CYB5B: variants seen among roughly 807,000 people sequenced by gnomAD.
The protein encoded by CYB5B is cytochrome b5 type B (outer mitochondrial membrane).
CYB5B carries 14 observed loss-of-function variants against 21.3 expected under a neutral mutation model. The observed-to-expected ratio is 0.66, with a 90% confidence interval of 0.43 to 1.03. The LOEUF (loss-of-function observed/expected upper bound fraction) is 1.03. Among genes scored for constraint, CYB5B ranks in the 50% least tolerant of loss-of-function variants. The pLI, the probability that CYB5B is intolerant of heterozygous loss-of-function variation, is 0.00. For synonymous variants in CYB5B, 69 were observed against 68.4 expected (o/e 1.01, Z -0.04); for missense variants, 166 against 185.1 (o/e 0.90, Z 0.60).
rs145958479 is a variant in CYB5B at position 69,455,482 on chromosome 16, A to G, written c.334-3611A>G. Among the ~76,000 whole-genome samples, 117 of 142,190 alleles carry G rather than the reference A, an allele frequency of 8.2e-4. 1 individual carries two copies. The highest frequency in any genetic ancestry group is 3.7e-3 in the Middle Eastern group (1 of 272). The allele number at this position is 142,190 out of a possible 152,430, so 93.3% of individuals were successfully genotyped here. A position where few individuals can be genotyped will look rare whatever the true frequency, so the allele number is the denominator to read the frequency against. ...GAGTGCAACGGTGTGATCTCGGCTC[A>G]CTGCAACCTCTGCCTCCCGGGTTCA... On this transcript the variant is annotated intron_variant, in intron 3 of 4. Transcript: ENST00000307892.
intron 4 of CYB5B, among the ~76,000 whole-genome samples, chr16:69,461,088 G>T (rs2015031191): frequency 6.6e-6 from 1 of 152,108 alleles, no homozygotes; most frequent in Admixed American, 6.5e-5. Flanking sequence ...CGAGGTGGGT[G>T]GATCACGAGG....
chr16:69,460,654 C>G (rs536137617), intron 4 of CYB5B, among the ~76,000 whole-genome samples: 74 of 152,000 alleles, frequency 4.9e-4, no homozygotes, highest in African/African-American at 1.7e-3. Flanking sequence ...TTTGACCCAG[C>G]AATTCCATTT....
intron 1 of CYB5B, among the ~76,000 whole-genome samples, chr16:69,430,077 T>C (rs1414491574): frequency 6.6e-6 from 1 of 152,230 alleles, no homozygotes; most frequent in African/African-American, 2.4e-5. Flanking sequence ...TACATGTCAT[T>C]ATCTTTCCAC....
chr16:69,452,656 C>A (rs1056266839), intron 3 of CYB5B, among the ~76,000 whole-genome samples: 11 of 151,364 alleles, frequency 7.3e-5, no homozygotes, highest in Non-Finnish European at 1.0e-4. Context: ...GGTGACAGAA[C>A]GAGACCCTGT....
intron 1 of CYB5B, among the ~76,000 whole-genome samples, chr16:69,426,741 G>A (rs2014651620): frequency 2.1e-5 from 3 of 142,766 alleles, no homozygotes; most frequent in Admixed American, 1.4e-4. Flanking sequence ...GACTTGGATA[G>A]TAGTGATTTT....
In CYB5B at chr16:69,453,778, C is replaced by T. The variant is rs9928316; in HGVS notation, c.334-5315C>T. Among the ~76,000 whole-genome samples, 807 of 152,132 alleles carry T rather than the reference C, an allele frequency of 5.3e-3. 13 individuals are homozygous for T. The highest frequency in any genetic ancestry group is 0.019 in the African/African-American group (775 of 41,502). On this transcript the variant is annotated intron_variant, in intron 3 of 4. Coordinates refer to ENST00000307892, the MANE Select transcript of CYB5B (RefSeq NM_030579.3). The stretch of plus-strand genomic sequence containing the variant: ...TTCACCATGTTGGCCAGGCTGGTCT[C>T]GAACTCCTGACCTCAGGTGATCCAC...
chr16:69,462,983 C>A lies in CYB5B; in HGVS notation c.*463C>A, dbSNP rs993609346. On this transcript the variant is annotated 3_prime_UTR_variant, in exon 5 of 5. Transcript: ENST00000307892. ...TTAGGGCTAGGTGTGGTGGCTCAGGCCTGTAATCCTGGCACTTTGGGAGGC... is the reference window on the plus strand; with the variant it reads ...TTAGGGCTAGGTGTGGTGGCTCAGGACTGTAATCCTGGCACTTTGGGAGGC... 4 of 155,400 alleles carry A rather than the reference C, an allele frequency of 2.6e-5. No individual in the cohort carries two copies. The highest frequency in any genetic ancestry group is 9.7e-5 in the African/African-American group (4 of 41,338). The allele number at this position is 155,400 out of a possible 1,614,324, so 9.6% of individuals were successfully genotyped here. A position where few individuals can be genotyped will look rare whatever the true frequency, so the allele number is the denominator to read the frequency against.
At position 69,461,530 on chromosome 16, in the gene CYB5B, A is replaced by G. The variant is rs147970797; in HGVS notation, c.363-900A>G. Reference sequence around the variant, plus strand: ...TTCAGCTCGTTTTATTGACTTCAAAACCTTTTAATACCAAGACTCATATGT... The same window carrying G: ...TTCAGCTCGTTTTATTGACTTCAAAGCCTTTTAATACCAAGACTCATATGT... On this transcript the variant is annotated intron_variant, in intron 4 of 4. Coordinates refer to ENST00000307892, the MANE Select transcript of CYB5B (RefSeq NM_030579.3). Among the ~76,000 whole-genome samples the G allele has an allele frequency of 8.5e-4, 129 of 152,246 alleles. 2 individuals are homozygous for G. The East Asian group carries it at 0.024, about 28-fold the overall frequency.
chr16:69,437,519 G>C (rs1414845536), intron 1 of CYB5B, among the ~76,000 whole-genome samples: 1 of 151,984 alleles, frequency 6.6e-6, no homozygotes, highest in Non-Finnish European at 1.5e-5. Flanking sequence ...CTTCTATCTT[G>C]TTTTGTTAGG....
chr16:69,440,657 C>G (rs1482568705), intron 1 of CYB5B, among the ~76,000 whole-genome samples: 1 of 151,826 alleles, frequency 6.6e-6, no homozygotes, highest in Non-Finnish European at 1.5e-5. Flanking sequence ...ATGATTATAT[C>G]TCATTTTGTA....
chr16:69,429,702 C>T lies in CYB5B; in HGVS notation c.174+4845C>T, dbSNP rs533736929. On this transcript the variant is annotated intron_variant, in intron 1 of 4. Transcript: ENST00000307892. ...GAAGAGCCAATAGGATTTAATGATG[C>T]GCCAGATTTGGGGAATGAAAGAAAA... is the stretch of plus-strand genomic sequence containing the variant. 7.2e-5 allele frequency among the ~76,000 whole-genome samples: 11 copies of T among 152,196 alleles called. No homozygotes were observed. The South Asian group carries it at 1.2e-3, about 17-fold the overall frequency.
intron 3 of CYB5B, chr16:69,449,971 T>A (rs1162754653): frequency 1.3e-5 from 2 of 152,206 alleles, no homozygotes; most frequent in Non-Finnish European, 2.9e-5. Flanking sequence ...ATCCCTACAC[T>A]TTGGGAGGCT....
At chr16:69,459,158 G>A (rs2015009771) in intron 4 of CYB5B, 37 bp downstream of exon 4, 2 of 1,590,438 alleles carry the variant, frequency 1.3e-6, no homozygotes, top group Non-Finnish European at 1.7e-6. Flanking sequence ...TACGTTCAAG[G>A]TAATGTCTGG....
intron 3 of CYB5B, among the ~76,000 whole-genome samples, chr16:69,457,760 G>A (rs1257373641): frequency 6.6e-6 from 1 of 152,028 alleles, no homozygotes; most frequent in African/African-American, 2.4e-5. Context: ...AAAACCTTTC[G>A]TTTGCCATTT....
In CYB5B at chr16:69,462,586, C is replaced by A; in HGVS notation, c.*66C>A. 7.5e-7 allele frequency: 1 copy of A among 1,341,944 alleles called. No individual in the cohort carries two copies. The highest frequency in any genetic ancestry group is 1.1e-6 in the Non-Finnish European group (1 of 939,560). The allele number at this position is 1,341,944 out of a possible 1,614,324, so 83.1% of individuals were successfully genotyped here. A position where few individuals can be genotyped will look rare whatever the true frequency, so the allele number is the denominator to read the frequency against. On this transcript the variant is annotated 3_prime_UTR_variant, in exon 5 of 5. Transcript: ENST00000307892. ...CGAAAACTAGAGACTTGCTTGGGGG[C>A]TGCAGAAGTGCCCTCTCCTCGAATC...
intron 4 of CYB5B, 46 bp downstream of exon 4, chr16:69,459,167 G>A: frequency 6.3e-7 from 1 of 1,580,294 alleles, no homozygotes; most frequent in Non-Finnish European, 8.6e-7. Flanking sequence ...GGTAATGTCT[G>A]GCAAGAGACT....
At chr16:69,426,064 A>C (rs1336764112) in intron 1 of CYB5B, among the ~76,000 whole-genome samples, 1 of 152,192 alleles carries the variant, frequency 6.6e-6, no homozygotes, top group Non-Finnish European at 1.5e-5. Context: ...AGAATTTACT[A>C]ACTTCTTGCA....
At chr16:69,457,193 T>C (rs2014991793) in intron 3 of CYB5B, among the ~76,000 whole-genome samples, 1 of 152,226 alleles carries the variant, frequency 6.6e-6, no homozygotes, top group African/African-American at 2.4e-5. Flanking sequence ...CTTTGTTCTC[T>C]TTCTTCTTCA....
intron 3 of CYB5B, among the ~76,000 whole-genome samples, chr16:69,453,491 A>G (rs1286177541): frequency 6.6e-6 from 1 of 152,168 alleles, no homozygotes; most frequent in Non-Finnish European, 1.5e-5. Flanking sequence ...TTAGACAAGC[A>G]GTGATTGCTA....
Sources: allele counts gnomAD v4.1 joint callset (sites outside exome capture counted in the v4.1 genomes callset), GRCh38; gene constraint gnomAD v4.1.1; transcripts MANE v1.5; gene names NCBI Gene and HGNC (gene_info 2026-07-23, HGNC 2026-07-21).